The following KMT2A variants were observed in gnomAD, a reference collection of about 807,000 sequenced individuals.
KMT2A encodes the protein histone-lysine N-methyltransferase 2A.
In KMT2A, 16 loss-of-function variants were observed where a neutral mutation model predicts 345.3. The ratio of observed to expected loss-of-function variants is 0.05; its 90% confidence interval spans 0.03 to 0.07. The LOEUF (loss-of-function observed/expected upper bound fraction) is 0.07. Among genes scored for constraint, KMT2A ranks in the 10% least tolerant of loss-of-function variants. The pLI is 1.00. For missense variants in KMT2A, 3,272 were observed against 4,841.6 expected (o/e 0.68, Z 9.62); for synonymous variants, 1,599 against 1,778.6 (o/e 0.90, Z 2.54).
At chr11:118,440,846 C>T (rs1383528665) in intron 1 of KMT2A, among the ~76,000 whole-genome samples, 2 of 148,652 alleles carry the variant, frequency 1.3e-5, no homozygotes, top group Non-Finnish European at 3.0e-5. Flanking sequence ...GTTGCTCCTT[C>T]GTTGCCTTCA....
At chr11:118,470,659 T>A (rs1555035252) in intron 2 of KMT2A, among the ~76,000 whole-genome samples, 2 of 152,152 alleles carry the variant, frequency 1.3e-5, no homozygotes, top group African/African-American at 2.4e-5. Flanking sequence ...CTTTGTTGAC[T>A]TCTGTTCTGT....
chr11:118,485,403 T>C (rs938352215), intron 10 of KMT2A, among the ~76,000 whole-genome samples: 1 of 152,076 alleles, frequency 6.6e-6, no homozygotes, highest in Non-Finnish European at 1.5e-5. Flanking sequence ...AATAGATAAT[T>C]CACAAAATTA....
At position 118,476,533 on chromosome 11, in the gene KMT2A, G is replaced by GT. The variant is rs1189454851; in HGVS notation, c.3157-270dup. On this transcript the variant is annotated intron_variant, in intron 3 of 35. Transcript: ENST00000534358. This position sits in a 1 kb window ranked among gnomAD's most constrained non-coding sequence, Gnocchi z 4.1. ...TTGTGTAGAGATGGGTTCTCGCTAT[G>GT]TTGCCCATACTGGTCTTGAACTCCT... Among the ~76,000 whole-genome samples the GT allele has an allele frequency of 1.3e-5, 2 of 152,022 alleles. No homozygotes were observed. Among genetic ancestry groups the GT allele is most frequent in the African/African-American group, 4.8e-5 (2 of 41,380 alleles).
At position 118,460,298 on chromosome 11, in the gene KMT2A, C is replaced by CT. The variant is rs1565270581; in HGVS notation, c.433-8471dup. Among the ~76,000 whole-genome samples, 10 of 152,166 alleles carry CT rather than the reference C, an allele frequency of 6.6e-5. No homozygotes were observed. In the South Asian group the frequency reaches 1.9e-3, roughly 28 times the overall value. On this transcript the variant is annotated intron_variant, in intron 1 of 35. Transcript: ENST00000534358. ...ATATAGAAGGAAGAATAGACTTTTT[C>CT]TTTTTTCTGAGATAGGGACTTGCTC... is the stretch of plus-strand genomic sequence containing the variant.
In KMT2A at chr11:118,501,138, T is replaced by C; in HGVS notation, c.6310T>C (p.Ser2104Pro). ...CAGGACCATTGCCCATAGTCCAACATCTTTTACAGGTTAGTCTTGAATCAA... is the reference window on the plus strand; with the variant it reads ...CAGGACCATTGCCCATAGTCCAACACCTTTTACAGGTTAGTCTTGAATCAA... ...ENRTIAHSPT[S>P]FTESSSKESQ... Residue 2104 changes from serine (S) to proline (P), a missense_variant, in exon 25 of 36, where the codon TCT becomes CCT. Around this residue, in one of 27 missense-constraint regions of KMT2A, gnomAD observed 66 missense variants for 73.9 expected, o/e 0.89. Transcript: ENST00000534358. 6.2e-7 allele frequency: 1 copy of C among 1,613,700 alleles called. No homozygotes were observed. The highest frequency in any genetic ancestry group is 8.5e-7 in the Non-Finnish European group (1 of 1,179,796).
intron 7 of KMT2A, 70 bp from the exon 8 acceptor site, chr11:118,482,352 C>A (rs1555039594): frequency 4.1e-5 from 36 of 888,114 alleles, no homozygotes; most frequent in Non-Finnish European, 5.3e-5. Flanking sequence ...ATGGCCCTTT[C>A]TTCACAGGTC....
At position 118,498,179 on chromosome 11, in the gene KMT2A, G is replaced by A; in HGVS notation, c.5802+106G>A. On this transcript the variant is annotated intron_variant, in intron 21 of 35. Transcript: ENST00000534358. This position sits in a 1 kb window ranked among gnomAD's most constrained non-coding sequence, Gnocchi z 4.4. ...CCTGATATTTTTCACAGTGCCATCA[G>A]GGTAGTTAGCCAACAAGTATTGATA... 1 of 1,313,832 alleles carries A rather than the reference G, an allele frequency of 7.6e-7. No homozygotes were observed. The highest frequency in any genetic ancestry group is 1.1e-6 in the Non-Finnish European group (1 of 937,592). The allele number at this position is 1,313,832 out of a possible 1,614,324, so 81.4% of individuals were successfully genotyped here. A position where few individuals can be genotyped will look rare whatever the true frequency, so the allele number is the denominator to read the frequency against.
Position 118,522,491 on chromosome 11 carries a change from G to A in KMT2A, c.*319G>A, listed in dbSNP as rs564458541. ...CCTATTATAGAGGGTTGGTTATGTT[G>A]GGAGATTGGGCCTGAATTTCTCCAC... On this transcript the variant is annotated 3_prime_UTR_variant, in exon 36 of 36. Transcript: ENST00000534358. The surrounding 1 kb of genome is among the most constrained non-coding windows in gnomAD (Gnocchi z 5.4). 3.9e-4 allele frequency: 121 copies of A among 312,470 alleles called. 1 individual carries two copies. The highest frequency in any genetic ancestry group is 2.3e-3 in the African/African-American group (113 of 48,840). 19.4% of individuals were successfully genotyped at this position (312,470 alleles called of 1,614,324 possible).
At chr11:118,517,558 C>T (rs1346923257) in intron 31 of KMT2A, among the ~76,000 whole-genome samples, 4 of 152,026 alleles carry the variant, frequency 2.6e-5, no homozygotes, top group Admixed American at 6.6e-5. Context: ...TATCAGGGGC[C>T]AGTGCAGTGG....
At chr11:118,507,936 C>T (rs1950616949) in intron 28 of KMT2A, among the ~76,000 whole-genome samples, 1 of 152,146 alleles carries the variant, frequency 6.6e-6, no homozygotes, top group Admixed American at 6.5e-5. Context: ...GCACTCCAGC[C>T]TGGGCGATAG....
intron 2 of KMT2A, among the ~76,000 whole-genome samples, chr11:118,469,189 T>C (rs141892675): frequency 4.4e-5 from 6 of 136,600 alleles, no homozygotes; most frequent in Non-Finnish European, 7.7e-5. Context: ...TCAGGCCACA[T>C]TGGGTTTATT....
intron 31 of KMT2A, among the ~76,000 whole-genome samples, chr11:118,517,378 A>C (rs1448799857): frequency 7.7e-6 from 1 of 130,368 alleles, no homozygotes; most frequent in Non-Finnish European, 1.6e-5. Flanking sequence ...CCTGGGCGAC[A>C]GGGTGAGACT....
At chr11:118,443,360 A>G (rs1949353176) in intron 1 of KMT2A, among the ~76,000 whole-genome samples, 3 of 152,224 alleles carry the variant, frequency 2.0e-5, no homozygotes, top group Non-Finnish European at 2.9e-5. Flanking sequence ...TGACCTATCC[A>G]AAGAAATCCA....
intron 2 of KMT2A, 98 bp downstream of exon 2, chr11:118,468,942 A>G: frequency 4.7e-6 from 4 of 850,864 alleles, no homozygotes; most frequent in Non-Finnish European, 7.7e-6. Context: ...GCTCTACCAT[A>G]CTTGGGTTAG....
Position 118,520,666 on chromosome 11 carries a change from G to T in KMT2A, c.11430-136G>T. 1.5e-6 allele frequency: 1 copy of T among 645,426 alleles called. No homozygotes were observed. The highest frequency in any genetic ancestry group is 2.7e-6 in the Non-Finnish European group (1 of 364,060). The allele number at this position is 645,426 out of a possible 1,614,324, so 40.0% of individuals were successfully genotyped here. A position where few individuals can be genotyped will look rare whatever the true frequency, so the allele number is the denominator to read the frequency against. On this transcript the variant is annotated intron_variant, in intron 33 of 35. Transcript: ENST00000534358. This position sits in a 1 kb window ranked among gnomAD's most constrained non-coding sequence, Gnocchi z 4.3. ...ACTCCATCTCAAAAAAAAAAGGGGG[G>T]CGCTCATTTTATAAGGCACTCGTTC...
chr11:118,520,748 C>T lies in KMT2A; in HGVS notation c.11430-54C>T. 8 of 1,335,862 alleles carry T rather than the reference C, an allele frequency of 6.0e-6. No homozygotes were observed. The highest frequency in any genetic ancestry group is 8.6e-6 in the Non-Finnish European group (8 of 926,564). The allele number at this position is 1,335,862 out of a possible 1,614,324, so 82.8% of individuals were successfully genotyped here. ...GTCTCTAGGAACCTTCGATTCAAGA[C>T]TCAAAACATTATTTCCTGAAAAAAA... is the stretch of plus-strand genomic sequence containing the variant. On this transcript the variant is annotated intron_variant, in intron 33 of 35. Transcript: ENST00000534358. This position sits in a 1 kb window ranked among gnomAD's most constrained non-coding sequence, Gnocchi z 4.3.
At chr11:118,442,028 CTCTT>C (rs1297545880) in intron 1 of KMT2A, among the ~76,000 whole-genome samples, 1 of 152,200 alleles carries the variant, frequency 6.6e-6, no homozygotes, top group Non-Finnish European at 1.5e-5. Context: ...CAGTGCCTCT[CTCTT>C]TTGGAAACTC....
At chr11:118,438,614 G>A (rs1949249666) in intron 1 of KMT2A, among the ~76,000 whole-genome samples, 1 of 152,104 alleles carries the variant, frequency 6.6e-6, no homozygotes, top group Non-Finnish European at 1.5e-5. Flanking sequence ...AATATCCTGG[G>A]CAAACCCCTT....
intron 1 of KMT2A, chr11:118,439,158 C>CAAAAAAAAAAAAAAACAAAAAA: frequency 3.8e-6 from 1 of 265,450 alleles, no homozygotes; most frequent in Non-Finnish European, 7.5e-6. Flanking sequence ...GATACAGCAG[C>CAAAAAAAAAAAAAAACAAAAAA]AAAAAAAAAA....
Sources: gnomAD v4.1 joint callset for allele counts (sites outside exome capture counted in the v4.1 genomes callset) on GRCh38, gnomAD v4.1.1 for gene constraint, gnomAD v4.1.1 regional missense constraint, Gnocchi (gnomAD v3.1) non-coding constraint, MANE v1.5 for transcripts, NCBI Gene and HGNC (gene_info 2026-07-23, HGNC 2026-07-21) for gene names.